Variants in ZNF385B observed in about 807,000 individuals in gnomAD.
ZNF385B encodes zinc finger protein 385B, also known as zinc finger protein 533.
A neutral mutation model predicts 39.2 loss-of-function variants in ZNF385B; 23 were observed. The ratio of observed to expected loss-of-function variants is 0.59; its 90% confidence interval spans 0.42 to 0.83. ZNF385B has a LOEUF of 0.83. Among genes scored for constraint, ZNF385B ranks in the 40% least tolerant of loss-of-function variants. The pLI is 0.00. For synonymous variants in ZNF385B, 205 were observed against 222.6 expected (o/e 0.92, Z 0.70); for missense variants, 552 against 598.9 (o/e 0.92, Z 0.82).
At chr2:179,593,254 A>G (rs1167736433) in intron 3 of ZNF385B, among the ~76,000 whole-genome samples, 1 of 152,204 alleles carries the variant, frequency 6.6e-6, no homozygotes, top group African/African-American at 2.4e-5. Flanking sequence ...TTTCTGAAAA[A>G]GACATTATTA....
intron 1 of ZNF385B, among the ~76,000 whole-genome samples, chr2:179,817,939 G>T (rs1340776206): frequency 6.6e-6 from 1 of 152,134 alleles, no homozygotes; most frequent in Non-Finnish European, 1.5e-5. Flanking sequence ...TGTTGTGTAG[G>T]TGTGTCAGCC....
chr2:179,521,535 C>T (rs2058507579), intron 4 of ZNF385B, among the ~76,000 whole-genome samples: 2 of 151,768 alleles, frequency 1.3e-5, no homozygotes, highest in Admixed American at 1.3e-4. Flanking sequence ...CTCACATTTG[C>T]ACCACATTGG....
At chr2:179,781,313 A>C (rs2106523688) in intron 1 of ZNF385B, among the ~76,000 whole-genome samples, 1 of 152,314 alleles carries the variant, frequency 6.6e-6, no homozygotes, top group Non-Finnish European at 1.5e-5. Context: ...CCAATGGAAC[A>C]GAAGGAAGAG....
At chr2:179,714,672 G>A (rs191789220) in intron 3 of ZNF385B, among the ~76,000 whole-genome samples, 49 of 152,150 alleles carry the variant, frequency 3.2e-4, no homozygotes, top group Non-Finnish European at 7.4e-5. Context: ...CTGCCCAGGC[G>A]TGGTGGCTCA....
intron 4 of ZNF385B, among the ~76,000 whole-genome samples, chr2:179,529,706 G>A (rs2059140927): frequency 1.3e-5 from 2 of 152,086 alleles, no homozygotes; most frequent in African/African-American, 2.4e-5. Flanking sequence ...TTTGTATGTG[G>A]AGAAGTTACT....
intron 1 of ZNF385B, among the ~76,000 whole-genome samples, chr2:179,804,172 C>T (rs1706207268): frequency 6.6e-6 from 1 of 152,166 alleles, no homozygotes; most frequent in Non-Finnish European, 1.5e-5. Flanking sequence ...TTTGCTACTA[C>T]CATTATTGCT....
At chr2:179,627,808 T>C (rs1690805183) in intron 3 of ZNF385B, among the ~76,000 whole-genome samples, 1 of 151,468 alleles carries the variant, frequency 6.6e-6, no homozygotes, top group South Asian at 2.1e-4. Flanking sequence ...TTGATCAAGT[T>C]TTTTTTTTCC....
intron 4 of ZNF385B, among the ~76,000 whole-genome samples, chr2:179,521,755 A>G (rs1360732912): frequency 6.6e-6 from 1 of 152,162 alleles, no homozygotes; most frequent in Non-Finnish European, 1.5e-5. Flanking sequence ...CATAAAATCA[A>G]CTAAATAAGC....
At chr2:179,508,325 C>T (rs925266883) in intron 5 of ZNF385B, among the ~76,000 whole-genome samples, 1 of 152,142 alleles carries the variant, frequency 6.6e-6, no homozygotes, top group African/African-American at 2.4e-5. Context: ...TGAAGAATCC[C>T]AAACCACAAA....
chr2:179,470,948 T>C (rs1046451905), intron 6 of ZNF385B, among the ~76,000 whole-genome samples: 1 of 152,178 alleles, frequency 6.6e-6, no homozygotes, highest in African/African-American at 2.4e-5. Flanking sequence ...CTTGTAACCA[T>C]ATGGTAGTAC....
chr2:179,619,126 G>A (rs1343773708), intron 3 of ZNF385B, among the ~76,000 whole-genome samples: 1 of 152,124 alleles, frequency 6.6e-6, no homozygotes, highest in Non-Finnish European at 1.5e-5. Flanking sequence ...ACAAAAATTT[G>A]AGCATGGAAT....
intron 1 of ZNF385B, among the ~76,000 whole-genome samples, chr2:179,786,859 A>T (rs1334384992): frequency 1.3e-5 from 2 of 152,074 alleles, no homozygotes; most frequent in Non-Finnish European, 2.9e-5. Context: ...TGATCTCTAG[A>T]TTAGCTATAC....
At chr2:179,713,497 C>T (rs1211951837) in intron 3 of ZNF385B, among the ~76,000 whole-genome samples, 1 of 152,168 alleles carries the variant, frequency 6.6e-6, no homozygotes, top group Non-Finnish European at 1.5e-5. Flanking sequence ...TATTCCCTCT[C>T]CCTGTAACCT....
At chr2:179,622,156 G>A (rs865982913) in intron 3 of ZNF385B, among the ~76,000 whole-genome samples, 2 of 152,130 alleles carry the variant, frequency 1.3e-5, no homozygotes, top group East Asian at 3.8e-4. Flanking sequence ...GCATGGCTCT[G>A]AGCCCTTATG....
chr2:179,696,325 A>AATTTTTTTTTTTTTTTT (rs1333224792), intron 3 of ZNF385B, among the ~76,000 whole-genome samples: 2 of 9,838 alleles, frequency 2.0e-4, no homozygotes, highest in African/African-American at 4.8e-4. Flanking sequence ...ACAAACTGGG[A>AATTTTTTTTTTTTTTTT]CTTTTTTTTT....
chr2:179,450,800 T>C (rs1253996128), intron 6 of ZNF385B, among the ~76,000 whole-genome samples: 22 of 152,036 alleles, frequency 1.4e-4, no homozygotes, highest in African/African-American at 5.1e-4. Context: ...CATATGCACA[T>C]GTATGTTTAT....
At chr2:179,797,477 A>T (rs1468787403) in intron 1 of ZNF385B, among the ~76,000 whole-genome samples, 2 of 152,202 alleles carry the variant, frequency 1.3e-5, no homozygotes, top group Admixed American at 6.5e-5. Flanking sequence ...CCCAATTTTC[A>T]TCTGCATGTT....
chr2:179,731,940 C>T (rs1701421314), intron 3 of ZNF385B, among the ~76,000 whole-genome samples: 1 of 152,240 alleles, frequency 6.6e-6, no homozygotes, highest in African/African-American at 2.4e-5. Context: ...AAAGCCACCA[C>T]ACCCTCTAGG....
At chr2:179,676,910 A>G (rs1408432608) in intron 3 of ZNF385B, among the ~76,000 whole-genome samples, 1 of 152,200 alleles carries the variant, frequency 6.6e-6, no homozygotes, top group African/African-American at 2.4e-5. Context: ...ATACTCAGGG[A>G]GTAATATGGG....
Sources: allele counts gnomAD v4.1 joint callset (sites outside exome capture counted in the v4.1 genomes callset), GRCh38; gene constraint gnomAD v4.1.1; transcripts MANE v1.5; gene names NCBI Gene and HGNC (gene_info 2026-07-23, HGNC 2026-07-21).